Variants in RIC3 observed in about 807,000 individuals in gnomAD.
The protein encoded by RIC3 is protein RIC-3.
Under a neutral mutation model 27.3 loss-of-function variants are expected in RIC3, and 28 were observed. The ratio of observed to expected loss-of-function variants is 1.02; its 90% confidence interval spans 0.76 to 1.41. The LOEUF is 1.41. Among genes scored for constraint, RIC3 ranks in the 40% most tolerant of loss-of-function variants. The pLI is 0.00. For synonymous variants in RIC3, 184 were observed against 160.4 expected, an observed-to-expected ratio of 1.15 and a Z score of -1.11; for missense variants, 501 against 444.7, an observed-to-expected ratio of 1.13 and a Z score of -1.14.
At chr11:8,134,826 C>G (rs59349891) in intron 4 of RIC3, among the ~76,000 whole-genome samples, 1 of 152,066 alleles carries the variant, frequency 6.6e-6, no homozygotes, top group Non-Finnish European at 1.5e-5. Flanking sequence ...ATCCTTTGCC[C>G]GCTTGTTGAT....
chr11:8,126,904 G>C (rs1379669931), intron 4 of RIC3, 97 bp from the exon 5 acceptor site: 1 of 1,402,310 alleles, frequency 7.1e-7, no homozygotes, highest in African/African-American at 1.4e-5. Flanking sequence ...GGAATAGAAA[G>C]TGCAATTGCA....
chr11:8,139,637 T>TC (rs1590233572), intron 2 of RIC3: 2 of 47,676 alleles, frequency 4.2e-5, no homozygotes, highest in East Asian at 1.3e-3. Context: ...AAGATGTTAA[T>TC]TTTTTTTTTT....
At chr11:8,124,352 C>T (rs1328436933) in intron 5 of RIC3, among the ~76,000 whole-genome samples, 1 of 152,122 alleles carries the variant, frequency 6.6e-6, no homozygotes, top group Non-Finnish European at 1.5e-5. Context: ...GACCTATACA[C>T]TGGAAACTAC....
chr11:8,105,052 T>C (rs537787347), downstream of RIC3: 2 of 152,106 alleles, frequency 1.3e-5, no homozygotes, highest in South Asian at 2.1e-4. Flanking sequence ...AAAAGGTCCA[T>C]GCTTTGCTTA....
At chr11:8,097,650 G>A in the RIC3 span, 2 of 1,425,762 alleles carry the variant, frequency 1.4e-6, no homozygotes, top group African/African-American at 1.4e-5. Flanking sequence ...TGTGTGAGTG[G>A]CTCTCATGAC....
intron 5 of RIC3, among the ~76,000 whole-genome samples, chr11:8,124,052 G>A (rs577194433): frequency 6.8e-6 from 1 of 148,086 alleles, no homozygotes; most frequent in Non-Finnish European, 1.5e-5. Context: ...CTGGGCAACA[G>A]GGCAAGACCC....
chr11:8,155,783 A>G (rs1366260267), intron 1 of RIC3, among the ~76,000 whole-genome samples: 1 of 152,218 alleles, frequency 6.6e-6, no homozygotes, highest in African/African-American at 2.4e-5. Context: ...AATAAAAAAT[A>G]GAAACAGCGG....
chr11:8,104,435 TGTCTGTGC>T (rs760674854), downstream of RIC3: 5 of 152,348 alleles, frequency 3.3e-5, no homozygotes, highest in East Asian at 1.9e-4. Flanking sequence ...TGTATGTGTG[TGTCTGTGC>T]GTCTGTGTGT....
At chr11:8,137,567 C>T (rs1356381606) in intron 3 of RIC3, 96 bp from the exon 4 acceptor site, 3 of 762,640 alleles carry the variant, frequency 3.9e-6, no homozygotes, top group Non-Finnish European at 4.3e-6. Context: ...TACTGTCTAA[C>T]TTCCCATTAC....
Position 8,110,906 on chromosome 11 carries a change from T to C in RIC3, c.902A>G (p.Glu301Gly). The C allele has an allele frequency of 6.2e-6, 10 of 1,614,238 alleles. No individual in the cohort carries two copies. The highest frequency in any genetic ancestry group is 8.5e-6 in the Non-Finnish European group (10 of 1,180,040). The change falls in exon 6 of 6, where the codon GAA (glutamate) becomes GGA (glycine). Residue 301 changes from glutamate to glycine, a missense_variant. Transcript: ENST00000309737. The stretch of plus-strand genomic sequence containing the variant: ...TTCATGAAAACAGCAGGAACATGTT[T>C]CTGGCTTTGGATCACACGAGGTAAC... Reference protein sequence around the residue: ...NSVTSCDPKPETCSCCFHEDE... With the variant: ...NSVTSCDPKPGTCSCCFHEDE...
At chr11:8,125,495 C>G (rs2133601777) in intron 5 of RIC3, among the ~76,000 whole-genome samples, 1 of 152,180 alleles carries the variant, frequency 6.6e-6, no homozygotes, top group East Asian at 1.9e-4. Flanking sequence ...ACAGACACTT[C>G]AAAGATATGC....
At chr11:8,144,835 G>T (rs1011582181) in intron 1 of RIC3, among the ~76,000 whole-genome samples, 1 of 151,902 alleles carries the variant, frequency 6.6e-6, no homozygotes, top group Non-Finnish European at 1.5e-5. Flanking sequence ...ATATACCATG[G>T]AATACTATGC....
intron 5 of RIC3, among the ~76,000 whole-genome samples, chr11:8,122,880 AAAAAAAGGG>A (rs1946614719): frequency 6.6e-6 from 1 of 151,298 alleles, no homozygotes; most frequent in South Asian, 2.1e-4. Context: ...AAAAAAAAAA[AAAAAAAGGG>A]AAATTAGGAC....
chr11:8,094,159 G>A, the RIC3 span: 51 of 1,613,670 alleles, frequency 3.2e-5, no homozygotes, highest in African/African-American at 1.1e-4. Context: ...GGGTGGCGCC[G>A]CTAGGAAGGA....
At chr11:8,096,669 T>C in the RIC3 span, 8 of 1,539,174 alleles carry the variant, frequency 5.2e-6, no homozygotes, top group African/African-American at 9.5e-5. Flanking sequence ...CCCTTCTTCT[T>C]CTCTCCTTGG....
chr11:8,143,277 C>A, intron 1 of RIC3, among the ~76,000 whole-genome samples: 2 of 151,778 alleles, frequency 1.3e-5, no homozygotes, highest in African/African-American at 4.8e-5. Flanking sequence ...ATCTAGAAAA[C>A]CCCATTGTCT....
rs146372686 is a variant in RIC3, at chr11:8,133,345, A to T, written c.521+4033T>A. 4.5e-3 allele frequency among the ~76,000 whole-genome samples: 685 copies of T among 152,316 alleles called. 5 individuals are homozygous for T. The highest frequency in any genetic ancestry group is 0.017 in the Middle Eastern group (5 of 294). ...ATTCAGTTATACCAACAGAAAACAT[A>T]CGAACATATGGGCTGCCTAGCCCTT... On this transcript the variant is annotated intron_variant, in intron 4 of 5. Transcript: ENST00000309737.
chr11:8,157,380 C>A (rs1016898146), intron 1 of RIC3, among the ~76,000 whole-genome samples: 1 of 152,210 alleles, frequency 6.6e-6, no homozygotes, highest in African/African-American at 2.4e-5. Flanking sequence ...TAAAGTACCA[C>A]ATCCTTAAAC....
At chr11:8,100,757 T>C in the RIC3 span, 201 of 1,586,822 alleles carry the variant, frequency 1.3e-4, no homozygotes, top group South Asian at 1.8e-3. Flanking sequence ...ATTCCCGGGA[T>C]AGATCCCTTT....
Sources: gnomAD v4.1 joint callset for allele counts (sites outside exome capture counted in the v4.1 genomes callset) on GRCh38, gnomAD v4.1.1 for gene constraint, MANE v1.5 for transcripts, NCBI Gene and HGNC (gene_info 2026-07-23, HGNC 2026-07-21) for gene names.